The following AP4E1 variants were observed in gnomAD, a reference collection of about 807,000 sequenced individuals.
The protein encoded by AP4E1 is AP-4 complex subunit epsilon-1.
Under a neutral mutation model 128.2 loss-of-function variants are expected in AP4E1, and 56 were observed. That is an observed-to-expected ratio of 0.44 (90% CI 0.35 to 0.55). AP4E1 has a LOEUF of 0.55. AP4E1 is among the 20% of genes least tolerant of loss of function. AP4E1 has a pLI of 0.00. For synonymous variants in AP4E1, 484 were observed against 473.1 expected, an observed-to-expected ratio of 1.02 and a Z score of -0.30; for missense variants, 1,324 against 1,307.7, an observed-to-expected ratio of 1.01 and a Z score of -0.19.
At chr15:50,945,597 C>A in intron 10 of AP4E1, 1 of 749,736 alleles carries the variant, frequency 1.3e-6, no homozygotes, top group South Asian at 1.5e-5. Context: ...TTCCTATAGA[C>A]AAAAGTTGAA....
At chr15:50,939,965 G>GT (rs1213690155) in intron 8 of AP4E1, among the ~76,000 whole-genome samples, 2 of 151,998 alleles carry the variant, frequency 1.3e-5, no homozygotes, top group South Asian at 2.1e-4. Flanking sequence ...TTTTTGTTTT[G>GT]TTTTTTACAG....
chr15:50,988,349 T>C (rs2064757450), intron 16 of AP4E1, among the ~76,000 whole-genome samples: 1 of 152,194 alleles, frequency 6.6e-6, no homozygotes, highest in South Asian at 2.1e-4. Context: ...AATTTCACTC[T>C]TATTGCCTAG....
intron 10 of AP4E1, chr15:50,946,079 A>T (rs1360483004): frequency 9.5e-6 from 6 of 630,250 alleles, no homozygotes. Context: ...TGCTGGGACT[A>T]GATTAATTGC....
chr15:50,963,938 C>G (rs2064352797), intron 14 of AP4E1, among the ~76,000 whole-genome samples: 1 of 152,216 alleles, frequency 6.6e-6, no homozygotes, highest in African/African-American at 2.4e-5. Flanking sequence ...AAGAGACACT[C>G]TTATTCCTAT....
intron 10 of AP4E1, 128 bp downstream of exon 10, chr15:50,941,903 G>C (rs564591651): frequency 1.4e-6 from 1 of 721,296 alleles, no homozygotes; most frequent in South Asian, 1.6e-5. Flanking sequence ...TAACTTTTGG[G>C]TGTATTTAAT....
chr15:50,969,592 T>C (rs1246880314), intron 15 of AP4E1, among the ~76,000 whole-genome samples: 1 of 152,136 alleles, frequency 6.6e-6, no homozygotes, highest in East Asian at 1.9e-4. Context: ...GTTTAGATCA[T>C]AGTAATTAGC....
chr15:50,920,075 T>TCAAA (rs1316157773), intron 3 of AP4E1, among the ~76,000 whole-genome samples: 1 of 88,176 alleles, frequency 1.1e-5, no homozygotes, highest in African/African-American at 4.4e-5. Flanking sequence ...ATAATATGTC[T>TCAAA]AAAAAAAAAA....
At chr15:50,943,460 G>A (rs887646057) in intron 10 of AP4E1, among the ~76,000 whole-genome samples, 2 of 151,972 alleles carry the variant, frequency 1.3e-5, no homozygotes, top group African/African-American at 4.8e-5. Flanking sequence ...ATTGTTACAT[G>A]CCTTGGATCT....
At chr15:50,930,073 T>C (rs1032737835) in intron 6 of AP4E1, among the ~76,000 whole-genome samples, 5 of 140,512 alleles carry the variant, frequency 3.6e-5, no homozygotes, top group Non-Finnish European at 6.3e-5. Flanking sequence ...TTTTGGGGAC[T>C]TTTTTTTTTT....
intron 17 of AP4E1, 108 bp downstream of exon 17, chr15:50,993,733 G>C: frequency 3.7e-6 from 5 of 1,367,092 alleles, no homozygotes; most frequent in Non-Finnish European, 4.1e-6. Flanking sequence ...GTGAAAAGTG[G>C]CTTCCCCAGT....
At chr15:50,944,188 A>G (rs1161082661) in intron 10 of AP4E1, among the ~76,000 whole-genome samples, 1 of 152,168 alleles carries the variant, frequency 6.6e-6, no homozygotes, top group African/African-American at 2.4e-5. Context: ...TGTCTCTTCA[A>G]TGCTGTTGTC....
At position 50,929,013 on chromosome 15, in the gene AP4E1, A is replaced by G. The variant is rs889956591; in HGVS notation, c.547A>G (p.Ile183Val). 7.4e-6 allele frequency: 12 copies of G among 1,613,714 alleles called. No individual in the cohort carries two copies. Among genetic ancestry groups the G allele is most frequent in the Non-Finnish European group, 1.0e-5 (12 of 1,179,828 alleles). ...IEDKLQHSKE[I>V]VRRKAVLALY... is the part of the protein sequence containing the mutation. ...AATTTCATTTTTTGTCTTCAGGGAG[A>G]TTGTACGAAGAAAAGCTGTTCTGGC... Residue 183 changes from isoleucine to valine, a missense_variant, in exon 6 of 21, where the codon ATT (isoleucine) becomes GTT (valine). Ile to Val is a conservative substitution (Grantham distance 29, BLOSUM62 3). Coordinates refer to ENST00000261842, the MANE Select transcript of AP4E1 (RefSeq NM_007347.5).
At chr15:50,967,663 T>C (rs1052637071) in intron 14 of AP4E1, among the ~76,000 whole-genome samples, 2 of 152,212 alleles carry the variant, frequency 1.3e-5, no homozygotes, top group African/African-American at 4.8e-5. Flanking sequence ...TTATAGAACC[T>C]AACAGGATGC....
chr15:50,927,974 A>G (rs575339676), intron 5 of AP4E1, among the ~76,000 whole-genome samples: 40 of 152,312 alleles, frequency 2.6e-4, no homozygotes, highest in African/African-American at 9.4e-4. Context: ...TCTAACAAGG[A>G]AGAAGCTTCC....
chr15:50,920,633 C>T (rs181951039), intron 3 of AP4E1, among the ~76,000 whole-genome samples: 5 of 152,204 alleles, frequency 3.3e-5, no homozygotes, highest in Non-Finnish European at 7.4e-5. Flanking sequence ...ATCCTGACCT[C>T]ATGATCCACC....
rs139905388 is a variant in AP4E1, at chr15:50,997,145, T to C, written c.2347-181T>C. ...AGATTTAGCTAATAGTTCAAAGTTA[T>C]ATAGCTGTCAGGATTTTAGGGCTTA... On this transcript the variant is annotated intron_variant, in intron 17 of 20. Coordinates refer to ENST00000261842, the MANE Select transcript of AP4E1 (RefSeq NM_007347.5). Among the ~76,000 whole-genome samples the C allele has an allele frequency of 5.4e-3, 822 of 152,338 alleles. 6 individuals carry two copies. Among genetic ancestry groups the C allele is most frequent in the African/African-American group, 0.019 (797 of 41,580 alleles).
intron 7 of AP4E1, among the ~76,000 whole-genome samples, chr15:50,933,152 C>A (rs771798066): frequency 6.6e-6 from 1 of 152,122 alleles, no homozygotes; most frequent in Non-Finnish European, 1.5e-5. Context: ...ACCTTCACAG[C>A]ACTCAGGTGA....
At chr15:50,967,304 G>A (rs1484643584) in intron 14 of AP4E1, among the ~76,000 whole-genome samples, 3 of 152,210 alleles carry the variant, frequency 2.0e-5, no homozygotes, top group African/African-American at 7.2e-5. Context: ...TAAATATTTT[G>A]TGATGGGGCA....
At chr15:50,970,364 A>G (rs2064462251) in intron 15 of AP4E1, among the ~76,000 whole-genome samples, 1 of 152,212 alleles carries the variant, frequency 6.6e-6, no homozygotes, top group African/African-American at 2.4e-5. Context: ...ACCTAGGCTG[A>G]TTCCATATTA....
Sources: allele counts gnomAD v4.1 joint callset (sites outside exome capture counted in the v4.1 genomes callset), GRCh38; gene constraint gnomAD v4.1.1; transcripts MANE v1.5; gene names NCBI Gene and HGNC (gene_info 2026-07-23, HGNC 2026-07-21).